The following ABCG8 variants were observed in gnomAD, a reference collection of about 807,000 sequenced individuals.
ABCG8 encodes the protein ATP binding cassette subfamily G member 8.
In ABCG8, 81 loss-of-function variants were observed where a neutral mutation model predicts 71.3. The observed-to-expected ratio is 1.14, with a 90% CI of 0.95 to 1.37. The LOEUF (loss-of-function observed/expected upper bound fraction) is 1.37, where lower values mean the gene tolerates loss of function less well. ABCG8 is among the 40% of genes most tolerant of loss of function. ABCG8 has a pLI of 0.00. For missense variants in ABCG8, 1,119 were observed against 866.2 expected, an observed-to-expected ratio of 1.29 and a Z score of -3.66; for synonymous variants, 451 against 354.7, an observed-to-expected ratio of 1.27 and a Z score of -3.05.
chr2:43,866,143 T>G (rs1279907082), intron 6 of ABCG8, among the ~76,000 whole-genome samples: 1 of 152,078 alleles, frequency 6.6e-6, no homozygotes, highest in African/African-American at 2.4e-5. Context: ...GCTAGCCATA[T>G]GTAGAAAGCT....
rs1670034324 is a variant in ABCG8 at position 43,878,503 on chromosome 2, C to A, written c.*590C>A. 5.7e-6 allele frequency: 1 copy of A among 175,974 alleles called. No homozygotes were observed. Among genetic ancestry groups the A allele is most frequent in the South Asian group, 1.3e-4 (1 of 7,530 alleles). 10.9% of individuals were successfully genotyped at this position (175,974 alleles called of 1,614,324 possible). A position where few individuals can be genotyped will look rare whatever the true frequency, so the allele number is the denominator to read the frequency against. ...GTCCTGTGAAAACACTTTAGGTGGA[C>A]AATCCCTTGAGGTAAGTGGTATCCC... On this transcript the variant is annotated 3_prime_UTR_variant, in exon 13 of 13. Transcript: ENST00000272286.
At position 43,875,413 on chromosome 2, in the gene ABCG8, G is replaced by T. The variant is rs746521058; in HGVS notation, c.1756G>T (p.Val586Leu). Residue 586 changes from valine to leucine, a missense_variant and splice_region_variant, in exon 11 of 13, where the codon GTG (valine) becomes TTG (leucine). Coordinates refer to ENST00000272286, the MANE Select transcript of ABCG8 (RefSeq NM_022437.3). ...GATAAACTTGAGCAGCCTGTGGACA[G>T]GTAAGGCCTGCCCCCGGGGCCTGGG... ...FMINLSSLWT[V>L]PAWISKVSFL... 1.9e-6 allele frequency: 3 copies of T among 1,612,656 alleles called. No individual in the cohort carries two copies. The highest frequency in any genetic ancestry group is 1.1e-5 in the South Asian group (1 of 91,080).
At chr2:43,856,281 T>C (rs1669103694) in intron 6 of ABCG8, among the ~76,000 whole-genome samples, 1 of 151,968 alleles carries the variant, frequency 6.6e-6, no homozygotes, top group South Asian at 2.1e-4. Flanking sequence ...TGGATGGAAT[T>C]CTCACTCTCT....
At chr2:43,840,174 C>T (rs1157007873) in intron 1 of ABCG8, among the ~76,000 whole-genome samples, 2 of 152,160 alleles carry the variant, frequency 1.3e-5, no homozygotes, top group Non-Finnish European at 2.9e-5. Context: ...ATCGAGGATT[C>T]CACACCCAAT....
chr2:43,841,278 TTAA>T (rs1275854112), intron 1 of ABCG8, among the ~76,000 whole-genome samples: 1 of 152,186 alleles, frequency 6.6e-6, no homozygotes, highest in African/African-American at 2.4e-5. Context: ...TGATCAGAAG[TTAA>T]TACGAGGAGA....
chr2:43,878,234 C>G lies in ABCG8; in HGVS notation c.*321C>G, dbSNP rs1386860883. 1 of 388,070 alleles carries G rather than the reference C, an allele frequency of 2.6e-6. No homozygotes were observed. Among genetic ancestry groups the G allele is most frequent in the Non-Finnish European group, 5.0e-6 (1 of 201,870 alleles). The allele number at this position is 388,070 out of a possible 1,614,324, so 24.0% of individuals were successfully genotyped here. Reference sequence around the variant, plus strand: ...CAACTCGATATAGGATGGGAGCAAACTAGGAATGAATTGGGTAGCTAGACT... The same window carrying G: ...CAACTCGATATAGGATGGGAGCAAAGTAGGAATGAATTGGGTAGCTAGACT... On this transcript the variant is annotated 3_prime_UTR_variant, in exon 13 of 13. Transcript: ENST00000272286.
At chr2:43,858,057 G>A (rs1385886948) in intron 6 of ABCG8, among the ~76,000 whole-genome samples, 1 of 151,536 alleles carries the variant, frequency 6.6e-6, no homozygotes, top group African/African-American at 2.4e-5. Context: ...CATCTGGATA[G>A]AACTCTCACT....
At position 43,844,557 on chromosome 2, in the gene ABCG8, C is replaced by A; in HGVS notation, c.114C>A (p.Phe38Leu). 1 of 1,614,216 alleles carries A rather than the reference C, an allele frequency of 6.2e-7. No individual in the cohort carries two copies. The highest frequency in any genetic ancestry group is 8.5e-7 in the Non-Finnish European group (1 of 1,180,040). ...FSSESDNSLY[F>L]TYSGQPNTLE... ...CTGAAAGTGACAACAGCCTGTACTTCACCTACAGTGGCCAGCCCAACACCC... is the reference window on the plus strand; with the variant it reads ...CTGAAAGTGACAACAGCCTGTACTTAACCTACAGTGGCCAGCCCAACACCC... The change falls in exon 2 of 13, where the codon TTC becomes TTA. Residue 38 changes from phenylalanine to leucine, a missense_variant. Physicochemically the swap from Phe to Leu is conservative, Grantham distance 22 (BLOSUM62 0). Coordinates refer to ENST00000272286, the MANE Select transcript of ABCG8 (RefSeq NM_022437.3).
chr2:43,875,962 C>G (rs1279487527), intron 11 of ABCG8, among the ~76,000 whole-genome samples: 2 of 152,214 alleles, frequency 1.3e-5, no homozygotes, highest in Non-Finnish European at 1.5e-5. Flanking sequence ...CAGCTATTGT[C>G]TCTGGGAATG....
chr2:43,867,562 G>A (rs1669574567), intron 6 of ABCG8, among the ~76,000 whole-genome samples: 1 of 151,738 alleles, frequency 6.6e-6, no homozygotes, highest in Non-Finnish European at 1.5e-5. Context: ...TATCTGTCCA[G>A]ATAGAATTCT....
At chr2:43,868,939 A>T (rs1460155581) in intron 6 of ABCG8, among the ~76,000 whole-genome samples, 1 of 151,970 alleles carries the variant, frequency 6.6e-6, no homozygotes, top group African/African-American at 2.4e-5. Context: ...AACTGTCACT[A>T]TCTGGATAGA....
chr2:43,866,663 T>G (rs1669541903), intron 6 of ABCG8, among the ~76,000 whole-genome samples: 1 of 151,964 alleles, frequency 6.6e-6, no homozygotes, highest in South Asian at 2.1e-4. Context: ...CTCACACCAG[T>G]TAGAATGGCA....
chr2:43,875,466 G>A, intron 11 of ABCG8, 53 bp downstream of exon 11: 1 of 1,583,544 alleles, frequency 6.3e-7, no homozygotes, highest in South Asian at 1.1e-5. Flanking sequence ...CATGTGACTG[G>A]ATGAAGCCTG....
intron 2 of ABCG8, 86 bp downstream of exon 2, chr2:43,844,694 A>T (rs4148212): frequency 9.7e-7 from 1 of 1,035,280 alleles, no homozygotes; most frequent in Non-Finnish European, 1.5e-6. Flanking sequence ...GGTGGGCCCA[A>T]CTTGCAGGCC....
intron 6 of ABCG8, 124 bp from the exon 7 acceptor site, chr2:43,871,852 G>A: frequency 7.2e-7 from 1 of 1,386,440 alleles, no homozygotes; most frequent in South Asian, 1.2e-5. Context: ...CTGAGGGTGG[G>A]GAGAATGTCC....
At chr2:43,866,185 A>G (rs1572855076) in intron 6 of ABCG8, among the ~76,000 whole-genome samples, 1 of 151,948 alleles carries the variant, frequency 6.6e-6, no homozygotes, top group East Asian at 1.9e-4. Flanking sequence ...ACCTTATACA[A>G]AAATCAATTC....
chr2:43,854,455 C>G (rs2104922504), intron 6 of ABCG8, among the ~76,000 whole-genome samples: 1 of 152,178 alleles, frequency 6.6e-6, no homozygotes, highest in East Asian at 1.9e-4. Context: ...TGGTGAAACT[C>G]TGTCTCTAAT....
At position 43,839,254 on chromosome 2, in the gene ABCG8, T is replaced by G. The variant is rs1327843640; in HGVS notation, c.63+138T>G. 8 of 952,710 alleles carry G rather than the reference T, an allele frequency of 8.4e-6. No homozygotes were observed. The Admixed American group carries it at 1.1e-4, about 13-fold the overall frequency. 59.0% of individuals were successfully genotyped at this position (952,710 alleles called of 1,614,324 possible). ...TGTGAGGACATGGCCGCAGGACTGT[T>G]TCCTGCATGTCAAAGGGCGGAGGGG... On this transcript the variant is annotated intron_variant, in intron 1 of 12. Coordinates refer to ENST00000272286, the MANE Select transcript of ABCG8 (RefSeq NM_022437.3).
At chr2:43,869,489 C>G (rs887889486) in intron 6 of ABCG8, among the ~76,000 whole-genome samples, 2 of 152,120 alleles carry the variant, frequency 1.3e-5, no homozygotes, top group Non-Finnish European at 2.9e-5. Context: ...ATGAAACTCT[C>G]AGTATCTGTC....
Sources: gnomAD v4.1 joint callset for allele counts (sites outside exome capture counted in the v4.1 genomes callset) on GRCh38, gnomAD v4.1.1 for gene constraint, MANE v1.5 for transcripts, NCBI Gene and HGNC (gene_info 2026-07-23, HGNC 2026-07-21) for gene names.